Variants in ZNF337 observed in about 807,000 individuals in gnomAD.
The protein encoded by ZNF337 is zinc finger protein 337.
In ZNF337, 8 loss-of-function variants were observed where a neutral mutation model predicts 12.1. That is an observed-to-expected ratio of 0.66 (90% CI 0.39 to 1.19). The LOEUF is 1.19. ZNF337 is among the 50% of genes most tolerant of loss of function. The pLI is 0.01. For synonymous variants in ZNF337, 336 were observed against 320.0 expected, an observed-to-expected ratio of 1.05 and a Z score of -0.53; for missense variants, 882 against 896.6, an observed-to-expected ratio of 0.98 and a Z score of 0.21.
rs374668143 is a variant in ZNF337, at chr20:25,686,053, G to A, written c.97C>T (p.Gln33Ter). The A allele has an allele frequency of 7.4e-6, 12 of 1,613,976 alleles. No individual in the cohort carries two copies. Among genetic ancestry groups the A allele is most frequent in the Middle Eastern group, 1.6e-4 (1 of 6,080 alleles). The change falls in exon 3 of 5, where the codon CAG becomes TAG. Residue 33 changes from glutamine (Q) to a stop codon, truncating the protein, a stop_gained. Coordinates refer to ENST00000252979, the MANE Select transcript of ZNF337 (RefSeq NM_015655.4). LOFTEE classifies it high-confidence loss of function. The stretch of plus-strand genomic sequence containing the variant: ...GTCACCTCCCTGTACAGGGCCCTCT[G>A]AGCAGGGCTCAGCAGCCTCCATTCC... ...QKEWRLLSPA[Q>*]RALYREVTLE...
rs953368903 is a variant in ZNF337 at position 25,675,201 on chromosome 20, C to T, written c.2087G>A (p.Ser696Asn). Residue 696 changes from serine (S) to asparagine (N), a missense_variant, in exon 5 of 5, where the codon AGT (serine) becomes AAT (asparagine). By Grantham distance (46) the Ser-to-Asn change is conservative. Coordinates refer to ENST00000252979, the MANE Select transcript of ZNF337 (RefSeq NM_015655.4). ...VCQECKRGYT[S>N]KSDLTVHERI... ...TTCATGCACAGTGAGGTCTGACTTA[C>T]TGGTATAGCCTCGCTTACACTCCTG... 8.7e-6 allele frequency: 14 copies of T among 1,614,152 alleles called. No individual in the cohort carries two copies. The African/African-American group carries it at 1.6e-4, about 18-fold the overall frequency.
rs150890810 is a variant in ZNF337 at position 25,675,946 on chromosome 20, C to A, written c.1342G>T (p.Val448Leu). 8.7e-6 allele frequency: 14 copies of A among 1,612,752 alleles called. No individual in the cohort carries two copies. The highest frequency in any genetic ancestry group is 2.2e-5 in the South Asian group (2 of 90,996). Residue 448 changes from valine to leucine, a missense_variant, in exon 5 of 5, where the codon GTG (valine) becomes TTG (leucine). Physicochemically the swap from Val to Leu is conservative, Grantham distance 32 (BLOSUM62 1). Coordinates refer to ENST00000252979, the MANE Select transcript of ZNF337 (RefSeq NM_015655.4). ...TCTGAGTGTGTGATCTGATGTTTCA[C>A]AAGGGTTGACTTCTGAATAAATCCT... is the stretch of plus-strand genomic sequence containing the variant. ...GQGFIQKSTL[V>L]KHQITHSEEK...
chr20:25,681,021 T>A (rs2065762634), intron 4 of ZNF337: 1 of 152,138 alleles, frequency 6.6e-6, no homozygotes, highest in African/African-American at 2.4e-5. Context: ...CAAATTCATA[T>A]GTTGATGCCT....
At chr20:25,685,934 C>A in intron 3 of ZNF337, 62 bp downstream of exon 3, 3 of 1,566,482 alleles carry the variant, frequency 1.9e-6, no homozygotes, top group African/African-American at 2.8e-5. Flanking sequence ...CTGAACCTAA[C>A]CCTATGGCAA....
chr20:25,695,726 T>G (rs1463232977), intron 1 of ZNF337, among the ~76,000 whole-genome samples: 1 of 152,066 alleles, frequency 6.6e-6, no homozygotes, highest in Non-Finnish European at 1.5e-5. Context: ...ATTTTTCTAA[T>G]TTCATGTAGA....
chr20:25,684,314 T>C (rs970039685), intron 4 of ZNF337, among the ~76,000 whole-genome samples: 2 of 151,698 alleles, frequency 1.3e-5, no homozygotes, highest in African/African-American at 4.8e-5. Context: ...GTAACTAACC[T>C]GCACATTGTG....
intron 4 of ZNF337, among the ~76,000 whole-genome samples, chr20:25,685,120 T>TAA (rs553976436): frequency 0.14 from 19,092 of 137,484 alleles, 2,480 homozygotes; most frequent in African/African-American, 0.35. Context: ...GAACTTAAAT[T>TAA]AAAAAAAAAA....
At position 25,674,818 on chromosome 20, in the gene ZNF337, C is replaced by G. The variant is rs1248294156; in HGVS notation, c.*214G>C. The G allele has an allele frequency of 1.7e-6, 1 of 584,274 alleles. No individual in the cohort carries two copies. The highest frequency in any genetic ancestry group is 1.9e-5 in the African/African-American group (1 of 53,614). The allele number at this position is 584,274 out of a possible 1,614,324, so 36.2% of individuals were successfully genotyped here. ...TCCCCAATAGCCCAGGTAATGCCCT[C>G]CCCTCAACTGGCATCTCTGTTCCCT... is the stretch of plus-strand genomic sequence containing the variant. On this transcript the variant is annotated 3_prime_UTR_variant, in exon 5 of 5. Coordinates refer to ENST00000252979, the MANE Select transcript of ZNF337 (RefSeq NM_015655.4).
chr20:25,689,134 C>CA (rs35337654), intron 1 of ZNF337, among the ~76,000 whole-genome samples: 23,002 of 66,886 alleles, frequency 0.34, 3,054 homozygotes, highest in East Asian at 0.44. Context: ...GACTCCGTCA[C>CA]AAAAAAAAAA....
intron 1 of ZNF337, among the ~76,000 whole-genome samples, chr20:25,688,009 T>C (rs60719275): frequency 0.023 from 3,466 of 152,298 alleles, 120 homozygotes; most frequent in African/African-American, 0.078. Context: ...TACATGTAGT[T>C]GGAGAAGAAA....
intron 1 of ZNF337, among the ~76,000 whole-genome samples, chr20:25,691,947 A>T (rs2065885269): frequency 6.6e-6 from 1 of 152,172 alleles, no homozygotes; most frequent in Non-Finnish European, 1.5e-5. Context: ...CAATTAGGTA[A>T]GTGGTGTGAT....
rs564453457 is a variant in ZNF337, at chr20:25,676,309, G to A, written c.979C>T (p.Arg327Ter). 1.2e-5 allele frequency: 20 copies of A among 1,613,916 alleles called. No homozygotes were observed. Among genetic ancestry groups the A allele is most frequent in the African/African-American group, 2.7e-5 (2 of 74,890 alleles). Reference protein sequence around the residue: ...EKPFVCKECGRGYTNKSYFVV... With the variant: ...EKPFVCKECG ...AAGTATGACTTATTAGTATAGCCTC[G>A]CCCACACTCCTTGCACACAAAAGGC... The change falls in exon 5 of 5, where the codon CGA becomes TGA. Residue 327 changes from arginine to a stop codon, truncating the protein, a stop_gained. Coordinates refer to ENST00000252979, the MANE Select transcript of ZNF337 (RefSeq NM_015655.4). LOFTEE classifies it low-confidence loss of function (END_TRUNC).
intron 1 of ZNF337, among the ~76,000 whole-genome samples, chr20:25,689,238 A>G (rs2065863518): frequency 6.6e-6 from 1 of 152,022 alleles, no homozygotes; most frequent in South Asian, 2.1e-4. Flanking sequence ...TGGGAGGCAG[A>G]GCTTGCAGTG....
chr20:25,675,080 TA>T lies in ZNF337; in HGVS notation c.2207del (p.Leu736TyrfsTer39). On this transcript the variant is annotated frameshift_variant, in exon 5 of 5. Transcript: ENST00000252979. LOFTEE classifies it low-confidence loss of function (END_TRUNC). ...SYYSKHLKRH[L>X]REKRFCTGSV... Reference sequence around the variant, plus strand: ...TCCCTGTACAAAAACGCTTCTCACGTAAGTGTCTCTTTAAGTGCTTACTGTA... The same window carrying T: ...TCCCTGTACAAAAACGCTTCTCACGTAGTGTCTCTTTAAGTGCTTACTGTA... 1 of 1,613,342 alleles carries T rather than the reference TA, an allele frequency of 6.2e-7. No homozygotes were observed. Among genetic ancestry groups the T allele is most frequent in the Non-Finnish European group, 8.5e-7 (1 of 1,179,650 alleles).
At chr20:25,689,916 C>T (rs558363183) in intron 1 of ZNF337, among the ~76,000 whole-genome samples, 1 of 152,186 alleles carries the variant, frequency 6.6e-6, no homozygotes, top group Non-Finnish European at 1.5e-5. Context: ...CTTATAGGAG[C>T]TAACTTCATT....
At chr20:25,679,294 G>A (rs2065741568) in intron 4 of ZNF337, among the ~76,000 whole-genome samples, 1 of 151,964 alleles carries the variant, frequency 6.6e-6, no homozygotes, top group Admixed American at 6.6e-5. Context: ...AAAATCACAA[G>A]CAACAAAAGC....
At chr20:25,693,491 T>C (rs1341128220) in intron 1 of ZNF337, among the ~76,000 whole-genome samples, 1 of 152,250 alleles carries the variant, frequency 6.6e-6, no homozygotes, top group East Asian at 1.9e-4. Context: ...TATAAAGCCC[T>C]GTCCCTGGGA....
intron 1 of ZNF337, among the ~76,000 whole-genome samples, chr20:25,690,666 C>A (rs1426451511): frequency 6.6e-6 from 1 of 152,066 alleles, no homozygotes; most frequent in Non-Finnish European, 1.5e-5. Flanking sequence ...TGGAGACATA[C>A]AACAGACCAT....
chr20:25,676,805 A>AT lies in ZNF337; in HGVS notation c.482dup (p.Asn161LysfsTer58). ...TCAATACTTTGTCTATTTCTGTAGG[A>AT]TTTTCCCTCTGGCCTTGACTAGACT... On this transcript the variant is annotated frameshift_variant, in exon 5 of 5. Transcript: ENST00000252979. LOFTEE classifies it low-confidence loss of function (END_TRUNC). 1.2e-6 allele frequency: 2 copies of AT among 1,613,774 alleles called. No homozygotes were observed. The highest frequency in any genetic ancestry group is 1.7e-6 in the Non-Finnish European group (2 of 1,179,932).
Sources: gnomAD v4.1 joint callset for allele counts (sites outside exome capture counted in the v4.1 genomes callset) on GRCh38, gnomAD v4.1.1 for gene constraint, MANE v1.5 for transcripts, NCBI Gene and HGNC (gene_info 2026-07-23, HGNC 2026-07-21) for gene names.